The following ROCK1 variants were observed in gnomAD, a reference collection of about 807,000 sequenced individuals.
ROCK1 encodes the protein rho-associated protein kinase 1.
A neutral mutation model predicts 196.8 loss-of-function variants in ROCK1; 36 were observed. The ratio of observed to expected loss-of-function variants is 0.18; its 90% CI spans 0.14 to 0.24. The LOEUF (loss-of-function observed/expected upper bound fraction) is 0.24, where lower values mean the gene tolerates loss of function less well. Ranked by LOEUF, ROCK1 falls within the 10% of genes least tolerant of loss-of-function variation. The pLI is 1.00. For missense variants in ROCK1, 920 were observed against 1,562.0 expected, an observed-to-expected ratio of 0.59 and a Z score of 6.93; for synonymous variants, 443 against 515.9, an observed-to-expected ratio of 0.86 and a Z score of 1.91.
chr18:20,973,961 G>A (rs544888007), intron 22 of ROCK1, among the ~76,000 whole-genome samples: 7 of 151,774 alleles, frequency 4.6e-5, no homozygotes, highest in South Asian at 2.1e-4. Context: ...TAGTAGAGAC[G>A]GGGTTTCTCC....
intron 2 of ROCK1, among the ~76,000 whole-genome samples, chr18:21,065,034 T>C (rs1216367917): frequency 6.6e-6 from 1 of 152,208 alleles, no homozygotes; most frequent in Non-Finnish European, 1.5e-5. Flanking sequence ...CCAGGGGTGC[T>C]GCTAAACATC....
At chr18:20,990,253 A>G (rs2035612293) in intron 18 of ROCK1, among the ~76,000 whole-genome samples, 1 of 152,146 alleles carries the variant, frequency 6.6e-6, no homozygotes, top group Non-Finnish European at 1.5e-5. Flanking sequence ...GAGGGTACAA[A>G]GCAAGATAGC....
At chr18:21,098,461 A>AT (rs1465072018) in intron 1 of ROCK1, among the ~76,000 whole-genome samples, 1 of 152,348 alleles carries the variant, frequency 6.6e-6, no homozygotes, top group East Asian at 1.9e-4. Context: ...TGAAAAAAAC[A>AT]TTAAGCATCA....
chr18:21,100,380 C>T (rs571005694), intron 1 of ROCK1, among the ~76,000 whole-genome samples: 1 of 150,788 alleles, frequency 6.6e-6, no homozygotes, highest in South Asian at 2.1e-4. Flanking sequence ...CAAGATGAGC[C>T]TGAGTACCTT....
intron 21 of ROCK1, 110 bp from the exon 22 acceptor site, chr18:20,980,114 A>C: frequency 1.6e-4 from 209 of 1,278,228 alleles, no homozygotes; most frequent in Non-Finnish European, 1.9e-4. Flanking sequence ...TTCCACTCTC[A>C]AGTATTTACC....
In ROCK1 at chr18:20,998,597, C is replaced by CTTTTT. The variant is rs541265477; in HGVS notation, c.1886-5665_1886-5661dup. Among the ~76,000 whole-genome samples the CTTTTT allele has an allele frequency of 5.2e-4, 51 of 97,316 alleles. 1 individual carries two copies. The highest frequency in any genetic ancestry group is 1.5e-3 in the African/African-American group (35 of 23,682). 63.8% of individuals were successfully genotyped at this position (97,316 alleles called of 152,430 possible). A position where few individuals can be genotyped will look rare whatever the true frequency, so the allele number is the denominator to read the frequency against. On this transcript the variant is annotated intron_variant, in intron 16 of 32. Transcript: ENST00000399799. Reference sequence around the variant, plus strand: ...GACTTTACTGCTAAATTTTACCAAACTTTTTTTTTTTTTTTTTTTTTTTTT... The same window carrying CTTTTT: ...GACTTTACTGCTAAATTTTACCAAACTTTTTTTTTTTTTTTTTTTTTTTTTTTTTT...
In ROCK1 at chr18:20,950,095, AT is replaced by A. The variant is rs1309977680; in HGVS notation, c.*1288del. On this transcript the variant is annotated 3_prime_UTR_variant, in exon 33 of 33. Transcript: ENST00000399799. ...ACTGAGGAGGTATTTGGTTAAAAAA[AT>A]AAACAATAAATCATACTGTCCATAT... 7.9e-5 allele frequency: 12 copies of A among 152,700 alleles called. No individual in the cohort carries two copies. Among genetic ancestry groups the A allele is most frequent in the African/African-American group, 2.2e-4 (9 of 41,468 alleles). 9.5% of individuals were successfully genotyped at this position (152,700 alleles called of 1,614,324 possible). A position where few individuals can be genotyped will look rare whatever the true frequency, so the allele number is the denominator to read the frequency against.
chr18:20,980,445 C>T (rs143686283), intron 21 of ROCK1, among the ~76,000 whole-genome samples: 1 of 152,112 alleles, frequency 6.6e-6, no homozygotes, highest in African/African-American at 2.4e-5. Context: ...CATGGAAAAA[C>T]AGTCATTGTC....
intron 22 of ROCK1, 88 bp downstream of exon 22, chr18:20,979,822 C>G (rs955114770): frequency 4.2e-5 from 59 of 1,399,890 alleles, no homozygotes; most frequent in Non-Finnish European, 5.6e-5. Flanking sequence ...CCATTCCCAC[C>G]AGAATAATGG....
intron 1 of ROCK1, among the ~76,000 whole-genome samples, chr18:21,091,725 C>T (rs547863548): frequency 4.4e-4 from 67 of 152,324 alleles, no homozygotes; most frequent in African/African-American, 1.6e-3. Flanking sequence ...AATCCCAGTA[C>T]TTTGGGAGGC....
intron 3 of ROCK1, 35 bp downstream of exon 3, chr18:21,049,745 T>C: frequency 3.4e-6 from 4 of 1,186,546 alleles, no homozygotes; most frequent in Non-Finnish European, 3.7e-6. Flanking sequence ...TTTAATTTAA[T>C]AAAGTCCTTT....
At chr18:21,059,188 AT>A (rs2036268708) in intron 2 of ROCK1, among the ~76,000 whole-genome samples, 1 of 152,176 alleles carries the variant, frequency 6.6e-6, no homozygotes. Context: ...GCAATTATCT[AT>A]ATAAGCCCAT....
chr18:21,053,590 C>T (rs772936160), intron 2 of ROCK1, among the ~76,000 whole-genome samples: 3 of 152,182 alleles, frequency 2.0e-5, no homozygotes, highest in Non-Finnish European at 4.4e-5. Flanking sequence ...AATCCCAGTG[C>T]TTTGGGACAC....
rs529423797 is a variant in ROCK1 at position 21,077,018 on chromosome 18, C to T, written c.94-6405G>A. Among the ~76,000 whole-genome samples the T allele has an allele frequency of 7.0e-5, 9 of 128,472 alleles. No individual in the cohort carries two copies. In the South Asian group the frequency reaches 2.0e-3, roughly 29 times the overall value. 84.3% of individuals were successfully genotyped at this position (128,472 alleles called of 152,430 possible). On this transcript the variant is annotated intron_variant, in intron 1 of 32. Coordinates refer to ENST00000399799, the MANE Select transcript of ROCK1 (RefSeq NM_005406.3). ...GTCTCGCTCTGTCGCCCAGGCCGGA[C>T]TGCGGACTGCAGTGGCGCAATCTCG... is the stretch of plus-strand genomic sequence containing the variant.
At chr18:21,036,035 A>T (rs1212483196) in intron 9 of ROCK1, among the ~76,000 whole-genome samples, 1 of 152,230 alleles carries the variant, frequency 6.6e-6, no homozygotes, top group Admixed American at 6.5e-5. Context: ...ACAGTTAAAA[A>T]TGCCCAACAT....
intron 21 of ROCK1, among the ~76,000 whole-genome samples, chr18:20,981,680 T>G (rs1357043257): frequency 6.6e-6 from 1 of 152,128 alleles, no homozygotes; most frequent in Non-Finnish European, 1.5e-5. Flanking sequence ...GAGAACTACT[T>G]TTAACACTTA....
intron 22 of ROCK1, among the ~76,000 whole-genome samples, chr18:20,974,456 C>T (rs191970957): frequency 6.0e-4 from 91 of 152,248 alleles, no homozygotes; most frequent in South Asian, 2.1e-3. Flanking sequence ...CTGGGTTATA[C>T]TTTAAGACAC....
chr18:21,103,561 C>T (rs1474754093), intron 1 of ROCK1, among the ~76,000 whole-genome samples: 4 of 151,806 alleles, frequency 2.6e-5, no homozygotes, highest in Admixed American at 1.3e-4. Context: ...TGGGCTCAAG[C>T]GATCTTCCTA....
At chr18:21,077,717 G>A (rs1004930199) in intron 1 of ROCK1, among the ~76,000 whole-genome samples, 24 of 152,240 alleles carry the variant, frequency 1.6e-4, no homozygotes, top group African/African-American at 5.5e-4. Context: ...ATCCTGAGAA[G>A]ATCCTAAGCT....
Sources: allele counts gnomAD v4.1 joint callset (sites outside exome capture counted in the v4.1 genomes callset), GRCh38; gene constraint gnomAD v4.1.1; transcripts MANE v1.5; gene names NCBI Gene and HGNC (gene_info 2026-07-23, HGNC 2026-07-21).